Variants in TOMM34 observed in about 807,000 individuals in gnomAD.
TOMM34 encodes the protein mitochondrial import receptor subunit TOM34.
A neutral mutation model predicts 37.4 loss-of-function variants in TOMM34; 24 were observed. That is an observed-to-expected ratio of 0.64 (90% CI 0.46 to 0.90). The LOEUF (loss-of-function observed/expected upper bound fraction) is 0.90, where lower values mean the gene tolerates loss of function less well. Among genes scored for constraint, TOMM34 ranks in the 40% least tolerant of loss-of-function variants. The probability of loss-of-function intolerance (pLI) is 0.00; values close to 1 mark genes in which losing one functional copy is unlikely to be tolerated. For missense variants in TOMM34, 304 were observed against 375.6 expected (o/e 0.81, Z 1.58); for synonymous variants, 154 against 148.9 (o/e 1.03, Z -0.25).
intron 4 of TOMM34, among the ~76,000 whole-genome samples, chr20:44,951,578 C>A (rs1186650056): frequency 6.6e-6 from 1 of 152,162 alleles, no homozygotes; most frequent in African/African-American, 2.4e-5. Flanking sequence ...ACACTGCATG[C>A]CTATGTGCCA....
intron 4 of TOMM34, among the ~76,000 whole-genome samples, chr20:44,950,765 A>G (rs2067019505): frequency 6.6e-6 from 1 of 152,180 alleles, no homozygotes; most frequent in Non-Finnish European, 1.5e-5. Flanking sequence ...GAAGGTGAGT[A>G]ACTCTTGTCC....
rs760213810 is a variant in TOMM34, at chr20:44,948,774, T to C, written c.654A>G (p.Glu218=). The change falls in exon 5 of 7, where the codon GAA becomes GAG. Residue 218 remains glutamate (E), a synonymous_variant. Transcript: ENST00000372813. ...ATTCCAGGTTACTACACAAGAGGCT[T>C]TCACTGTACTTCTCAATAGCTTTCT... ...NHKKAIEKYS[E]SLLCSNLESA... is the part of the protein sequence containing the mutation. 2 of 1,614,142 alleles carry C rather than the reference T, an allele frequency of 1.2e-6. No individual in the cohort carries two copies. The highest frequency in any genetic ancestry group is 1.7e-6 in the Non-Finnish European group (2 of 1,179,994).
chr20:44,955,396 G>C (rs1356599461), intron 2 of TOMM34, 176 bp from the exon 3 acceptor site: 1 of 732,596 alleles, frequency 1.4e-6, no homozygotes, highest in East Asian at 2.7e-5. Flanking sequence ...GTAGACTGAA[G>C]TGAGGAGGAG....
Position 44,948,717 on chromosome 20 carries a change from G to C in TOMM34, c.698+13C>G. The C allele has an allele frequency of 6.2e-7, 1 of 1,614,106 alleles. No homozygotes were observed. The highest frequency in any genetic ancestry group is 8.5e-7 in the Non-Finnish European group (1 of 1,179,950). On this transcript the variant is annotated intron_variant, in intron 5 of 6. Transcript: ENST00000372813. Reference sequence around the variant, plus strand: ...CCTGAAATGCCCCAGGCCAGCAGCTGTATAGGAGATACCTGTTGCTGTACG... The same window carrying C: ...CCTGAAATGCCCCAGGCCAGCAGCTCTATAGGAGATACCTGTTGCTGTACG...
At position 44,960,191 on chromosome 20, in the gene TOMM34, G is replaced by A. The variant is rs769079759; in HGVS notation, c.127+16C>T. ...GAGGAGCAGGCCCGGAGGTGAGATG[G>A]GGGCCGGGGTCGTACCTTGCGCCTG... On this transcript the variant is annotated intron_variant, in intron 1 of 6. Transcript: ENST00000372813. The A allele has an allele frequency of 3.2e-6, 5 of 1,551,528 alleles. No homozygotes were observed. In the East Asian group the frequency reaches 1.2e-4, roughly 38 times the overall value.
chr20:44,953,571 T>C (rs986589549), intron 3 of TOMM34, among the ~76,000 whole-genome samples: 4 of 152,234 alleles, frequency 2.6e-5, no homozygotes, highest in African/African-American at 9.6e-5. Context: ...AATCCTTATG[T>C]CTGGCCTGTA....
intron 4 of TOMM34, 37 bp from the exon 5 acceptor site, chr20:44,948,914 G>A (rs1436656071): frequency 6.2e-7 from 1 of 1,607,310 alleles, no homozygotes; most frequent in Non-Finnish European, 8.5e-7. Flanking sequence ...AAACCATGGA[G>A]CAGCACCCAA....
At chr20:44,951,612 T>A (rs962334837) in intron 4 of TOMM34, among the ~76,000 whole-genome samples, 1 of 152,222 alleles carries the variant, frequency 6.6e-6, no homozygotes, top group African/African-American at 2.4e-5. Context: ...ACATGTCTTA[T>A]GTCATTCAGT....
intron 4 of TOMM34, 101 bp downstream of exon 4, chr20:44,951,732 T>C (rs2145601204): frequency 7.2e-7 from 1 of 1,396,704 alleles, no homozygotes. Flanking sequence ...CCTAAGATTA[T>C]TTTTATAACT....
intron 3 of TOMM34, among the ~76,000 whole-genome samples, chr20:44,953,065 T>A (rs2067039997): frequency 6.6e-6 from 1 of 152,008 alleles, no homozygotes; most frequent in Non-Finnish European, 1.5e-5. Flanking sequence ...CTGGATCCCA[T>A]CTCCTCTTGC....
chr20:44,959,531 T>C (rs1052195914), intron 1 of TOMM34, among the ~76,000 whole-genome samples: 5 of 152,160 alleles, frequency 3.3e-5, no homozygotes, highest in East Asian at 1.9e-4. Flanking sequence ...AGGGTCTGCC[T>C]TCCTAACTGA....
At chr20:44,946,014 T>A (rs955386284) in intron 5 of TOMM34, among the ~76,000 whole-genome samples, 1 of 152,096 alleles carries the variant, frequency 6.6e-6, no homozygotes, top group East Asian at 1.9e-4. Context: ...CATGCCACCA[T>A]GCCCAGCTAA....
chr20:44,946,387 C>G (rs2066981059), intron 5 of TOMM34, among the ~76,000 whole-genome samples: 1 of 152,128 alleles, frequency 6.6e-6, no homozygotes, highest in Non-Finnish European at 1.5e-5. Flanking sequence ...GTAACTGTAT[C>G]CAGTCAGAAG....
chr20:44,951,454 T>C (rs895543439), intron 4 of TOMM34, among the ~76,000 whole-genome samples: 1 of 152,222 alleles, frequency 6.6e-6, no homozygotes, highest in African/African-American at 2.4e-5. Flanking sequence ...TTCAGTTTTA[T>C]GAGCCAATAA....
At chr20:44,944,919 C>G (rs1160841301) in intron 5 of TOMM34, among the ~76,000 whole-genome samples, 2 of 152,218 alleles carry the variant, frequency 1.3e-5, no homozygotes, top group African/African-American at 4.8e-5. Flanking sequence ...TGAAATCAAA[C>G]TTCTCTAACT....
chr20:44,943,033 G>T lies in TOMM34; in HGVS notation c.*76C>A. On this transcript the variant is annotated 3_prime_UTR_variant, in exon 7 of 7. Coordinates refer to ENST00000372813, the MANE Select transcript of TOMM34 (RefSeq NM_006809.5). The stretch of plus-strand genomic sequence containing the variant: ...TCACTTGGGGCATGCTGGGTTTCAG[G>T]AGCGGGCACAGAGCAGGTGGCCCAT... The T allele has an allele frequency of 1.4e-6, 2 of 1,437,986 alleles. No individual in the cohort carries two copies. The highest frequency in any genetic ancestry group is 1.2e-5 in the South Asian group (1 of 86,356). 89.1% of individuals were successfully genotyped at this position (1,437,986 alleles called of 1,614,324 possible). A position where few individuals can be genotyped will look rare whatever the true frequency, so the allele number is the denominator to read the frequency against.
intron 4 of TOMM34, among the ~76,000 whole-genome samples, chr20:44,951,540 T>C (rs2067026172): frequency 6.6e-6 from 1 of 152,194 alleles, no homozygotes; most frequent in East Asian, 1.9e-4. Context: ...ACATCCCAAG[T>C]GCTACCAGAG....
rs1337184967 is a variant in TOMM34, at chr20:44,953,318, T to G, written c.381-1316A>C. 1.3e-4 allele frequency among the ~76,000 whole-genome samples: 20 copies of G among 152,218 alleles called. 1 individual carries two copies. The highest frequency in any genetic ancestry group is 1.3e-3 in the Admixed American group (20 of 15,282). ...AGCTTCCATCAGAGCCACCGGTGACTTCATTGCCAAACCTTTAATGTAAGC... is the reference window on the plus strand; with the variant it reads ...AGCTTCCATCAGAGCCACCGGTGACGTCATTGCCAAACCTTTAATGTAAGC... On this transcript the variant is annotated intron_variant, in intron 3 of 6. Coordinates refer to ENST00000372813, the MANE Select transcript of TOMM34 (RefSeq NM_006809.5).
intron 1 of TOMM34, among the ~76,000 whole-genome samples, chr20:44,958,086 A>ATATATG (rs1419432647): frequency 6.7e-5 from 10 of 149,422 alleles, no homozygotes; most frequent in Admixed American, 4.6e-4. Context: ...ATATATATGT[A>ATATATG]TATATGTATA....
Sources: allele counts gnomAD v4.1 joint callset (sites outside exome capture counted in the v4.1 genomes callset), GRCh38; gene constraint gnomAD v4.1.1; transcripts MANE v1.5; gene names NCBI Gene and HGNC (gene_info 2026-07-23, HGNC 2026-07-21).